SEMA6C: variants seen among roughly 807,000 people sequenced by gnomAD.
SEMA6C encodes the protein semaphorin 6C, also known as semaphorin-6C.
In SEMA6C, 37 loss-of-function variants were observed where a neutral mutation model predicts 72.9. The observed-to-expected ratio is 0.51, with a 90% CI of 0.39 to 0.67. The LOEUF (loss-of-function observed/expected upper bound fraction) is 0.67, where lower values mean the gene tolerates loss of function less well. Ranked by LOEUF, SEMA6C falls within the 30% of genes least tolerant of loss-of-function variation. The pLI, the probability that SEMA6C is intolerant of heterozygous loss-of-function variation, is 0.00. For missense variants in SEMA6C, 1,189 were observed against 1,263.6 expected, an observed-to-expected ratio of 0.94 and a Z score of 0.89; for synonymous variants, 578 against 554.1, an observed-to-expected ratio of 1.04 and a Z score of -0.61.
chr1:151,138,572 A>G (rs1006450752), intron 7 of SEMA6C, 58 bp downstream of exon 7: 6 of 1,539,146 alleles, frequency 3.9e-6, no homozygotes, highest in African/African-American at 1.4e-5. Flanking sequence ...CATCAAACCC[A>G]TTGCCCATCT....
In SEMA6C at chr1:151,132,459, C is replaced by G; in HGVS notation, c.*25G>C. 1.3e-6 allele frequency: 2 copies of G among 1,540,180 alleles called. No homozygotes were observed. The highest frequency in any genetic ancestry group is 2.8e-5 in the African/African-American group (2 of 72,670). On this transcript the variant is annotated 3_prime_UTR_variant, in exon 19 of 19. Coordinates refer to ENST00000368914, the MANE Select transcript of SEMA6C (RefSeq NM_030913.6). ...GCCGAGAGGACTCGGGCGCTCCCCACGCTGGAGGCCGTGGGCCGCTCCCTT... is the reference window on the plus strand; with the variant it reads ...GCCGAGAGGACTCGGGCGCTCCCCAGGCTGGAGGCCGTGGGCCGCTCCCTT...
chr1:151,135,637 G>A lies in SEMA6C; in HGVS notation c.1387C>T (p.Pro463Ser). 6.2e-7 allele frequency: 1 copy of A among 1,614,198 alleles called. No homozygotes were observed. The highest frequency in any genetic ancestry group is 8.5e-7 in the Non-Finnish European group (1 of 1,180,028). ...VLTPGGRSGG[P>S]EPILLEEIDA... is the part of the protein sequence containing the mutation. ...ATCTCTTCCAGGAGGATGGGCTCAG[G>A]TCCCCCGGATCGCCCACCTGGGGTC... Residue 463 changes from proline to serine, a missense_variant, in exon 14 of 19, where the codon CCT (proline) becomes TCT (serine). Pro to Ser is a moderately conservative substitution (Grantham distance 74). Around this residue, in one of 2 missense-constraint regions of SEMA6C, gnomAD observed 721 missense variants for 686.2 expected, o/e 1.05. Transcript: ENST00000368914.
chr1:151,138,582 T>C, intron 7 of SEMA6C, 48 bp downstream of exon 7: 4 of 1,577,908 alleles, frequency 2.5e-6, no homozygotes, highest in Non-Finnish European at 3.5e-6. Flanking sequence ...ATTGCCCATC[T>C]TGGGGTCCCC....
In SEMA6C at chr1:151,138,135, G is replaced by T. The variant is rs780782607; in HGVS notation, c.548-30C>A. The T allele has an allele frequency of 1.3e-5, 21 of 1,611,264 alleles. No homozygotes were observed. In the East Asian group the frequency reaches 4.2e-4, roughly 32 times the overall value. ...AGGGATGGGTGGAGTGGGGTCAGGGGAGGGCTCAGGGATCTGTATCCTGCC... is the reference window on the plus strand; with the variant it reads ...AGGGATGGGTGGAGTGGGGTCAGGGTAGGGCTCAGGGATCTGTATCCTGCC... On this transcript the variant is annotated intron_variant, in intron 8 of 18. Coordinates refer to ENST00000368914, the MANE Select transcript of SEMA6C (RefSeq NM_030913.6).
chr1:151,143,204 A>C (rs1371527415), intron 2 of SEMA6C, among the ~76,000 whole-genome samples: 1 of 152,186 alleles, frequency 6.6e-6, no homozygotes, highest in Non-Finnish European at 1.5e-5. Context: ...GAGTTGAGGA[A>C]GACACAGTTG....
chr1:151,136,812 G>A (rs747740965), intron 11 of SEMA6C, 45 bp downstream of exon 11: 4 of 1,545,500 alleles, frequency 2.6e-6, no homozygotes, highest in African/African-American at 1.4e-5. Context: ...GGAGGCTGGT[G>A]AGGCAGGGGA....
At position 151,146,148 on chromosome 1, in the gene SEMA6C, A is replaced by T. The variant is rs1033353651; in HGVS notation, c.-105+285T>A. 4 of 152,268 alleles carry T rather than the reference A, an allele frequency of 2.6e-5. No homozygotes were observed. The South Asian group carries it at 6.2e-4, about 24-fold the overall frequency. The allele number at this position is 152,268 out of a possible 1,614,324, so 9.4% of individuals were successfully genotyped here. A position where few individuals can be genotyped will look rare whatever the true frequency, so the allele number is the denominator to read the frequency against. On this transcript the variant is annotated intron_variant, in intron 1 of 18. Coordinates refer to ENST00000368914, the MANE Select transcript of SEMA6C (RefSeq NM_030913.6). This position sits in a 1 kb window ranked among gnomAD's most constrained non-coding sequence, Gnocchi z 4.6. ...CACGCTCTCTACGGAGCGCGCCTCA[A>T]ATAATCCCTTTTCGCGCTTCCCAGT...
rs1681665100 is a variant in SEMA6C, at chr1:151,132,804, C to CG, written c.2472dup (p.Glu825ArgfsTer203). On this transcript the variant is annotated frameshift_variant, in exon 19 of 19. Coordinates refer to ENST00000368914, the MANE Select transcript of SEMA6C (RefSeq NM_030913.6). LOFTEE classifies it low-confidence loss of function (END_TRUNC). ...GCGGGGGCAGAGGCGCACCTGCCCT[C>CG]GGGGGGCACGTCCAGCCTCAGCGGC... 1.5e-6 allele frequency: 2 copies of CG among 1,333,380 alleles called. No individual in the cohort carries two copies. The highest frequency in any genetic ancestry group is 1.9e-6 in the Non-Finnish European group (2 of 1,040,820). 82.6% of individuals were successfully genotyped at this position (1,333,380 alleles called of 1,614,324 possible). A position where few individuals can be genotyped will look rare whatever the true frequency, so the allele number is the denominator to read the frequency against.
rs1681679546 is a variant in SEMA6C, at chr1:151,132,902, G to C, written c.2375C>G (p.Ser792Trp). ...KGAEPPAPLT[S>W]RALPPEPAPA... ...GGCGGGCTCCGGCGGGAGCGCCCGC[G>C]AGGTTAAAGGGGCGGGGGGCTCGGC... The change falls in exon 19 of 19, where the codon TCG becomes TGG. Residue 792 changes from serine (S) to tryptophan (W), a missense_variant. Physicochemically the swap from Ser to Trp is radical, Grantham distance 177. Coordinates refer to ENST00000368914, the MANE Select transcript of SEMA6C (RefSeq NM_030913.6). 2.2e-6 allele frequency: 3 copies of C among 1,347,154 alleles called. No homozygotes were observed. Among genetic ancestry groups the C allele is most frequent in the Non-Finnish European group, 2.9e-6 (3 of 1,051,290 alleles). 83.5% of individuals were successfully genotyped at this position (1,347,154 alleles called of 1,614,324 possible).
chr1:151,134,089 C>G, intron 18 of SEMA6C: 7 of 1,409,090 alleles, frequency 5.0e-6, no homozygotes, highest in Non-Finnish European at 6.6e-6. Context: ...GCCAGTGAGG[C>G]TCTTGATCTC....
At chr1:151,141,833 C>T (rs1323934771) in intron 3 of SEMA6C, among the ~76,000 whole-genome samples, 2 of 150,804 alleles carry the variant, frequency 1.3e-5, no homozygotes, top group Non-Finnish European at 2.9e-5. Context: ...CAGGCGCCAT[C>T]ACAGAGCACT....
chr1:151,135,295 C>T lies in SEMA6C; in HGVS notation c.1448G>A (p.Arg483Gln), dbSNP rs776025048. ...AYSPARCSGK[R>Q]TAQTARRIIG... The stretch of plus-strand genomic sequence containing the variant: ...GATCCGTCGTGCTGTTTGGGCTGTC[C>T]GCTTCCCACTGCACCTAGGGTGAGG... Residue 483 changes from arginine to glutamine, a missense_variant, in exon 15 of 19, where the codon CGG becomes CAG. Transcript: ENST00000368914. The T allele has an allele frequency of 5.1e-5, 82 of 1,613,666 alleles. No homozygotes were observed. The South Asian group carries it at 5.4e-4, about 11-fold the overall frequency.
In SEMA6C at chr1:151,146,017, C is replaced by G. The variant is rs906029921; in HGVS notation, c.-105+416G>C. ...AGCACCCGTGACACAAAGTCCGGAA[C>G]GATGCGTCCCTCTTCCCATCCCTTC... On this transcript the variant is annotated intron_variant, in intron 1 of 18. Coordinates refer to ENST00000368914, the MANE Select transcript of SEMA6C (RefSeq NM_030913.6). This position sits in a 1 kb window ranked among gnomAD's most constrained non-coding sequence, Gnocchi z 4.6. The G allele has an allele frequency of 6.6e-6, 1 of 152,132 alleles. No individual in the cohort carries two copies. The highest frequency in any genetic ancestry group is 1.5e-5 in the Non-Finnish European group (1 of 68,034). 9.4% of individuals were successfully genotyped at this position (152,132 alleles called of 1,614,324 possible).
intron 2 of SEMA6C, among the ~76,000 whole-genome samples, chr1:151,143,596 T>C (rs1682734229): frequency 6.6e-6 from 1 of 152,176 alleles, no homozygotes; most frequent in South Asian, 2.1e-4. Context: ...AATTAAAATA[T>C]AAATTATTCA....
chr1:151,135,798 C>A (rs1044496506), intron 13 of SEMA6C, 34 bp from the exon 14 acceptor site: 1 of 1,607,328 alleles, frequency 6.2e-7, no homozygotes. Flanking sequence ...GGGAACCTGT[C>A]TAGTGGAAAC....
intron 18 of SEMA6C, chr1:151,134,100 T>G: frequency 4.2e-4 from 553 of 1,318,076 alleles, no homozygotes; most frequent in Non-Finnish European, 5.2e-4. Flanking sequence ...TCTTGATCTC[T>G]ACCCCTGACA....
Position 151,138,304 on chromosome 1 carries a change from C to A in SEMA6C, c.547+12G>T. ...AGCCACATGCTTTCTTCTCACATGCCCAGTTGCACACCTGCAAAGATGGCC... is the reference window on the plus strand; with the variant it reads ...AGCCACATGCTTTCTTCTCACATGCACAGTTGCACACCTGCAAAGATGGCC... On this transcript the variant is annotated intron_variant, in intron 8 of 18. Coordinates refer to ENST00000368914, the MANE Select transcript of SEMA6C (RefSeq NM_030913.6). 6.2e-7 allele frequency: 1 copy of A among 1,613,188 alleles called. No individual in the cohort carries two copies. Among genetic ancestry groups the A allele is most frequent in the South Asian group, 1.1e-5 (1 of 90,884 alleles).
In SEMA6C at chr1:151,140,080, TGG is replaced by T. The variant is rs1339366096; in HGVS notation, c.127_128del (p.Pro43IlefsTer10). The T allele has an allele frequency of 6.2e-7, 1 of 1,613,686 alleles. No homozygotes were observed. The highest frequency in any genetic ancestry group is 8.5e-7 in the Non-Finnish European group (1 of 1,179,840). ...CCTCCAGGCCCCGAAACCAGGATAA[TGG>T]GGAAGTACCTTGAGGACACAGAGAG... Reference protein sequence around the residue: ...LLISDLQGTSPLSWFRGLEDD... With the variant: ...LLISDLQGTSXLSWFRGLEDD... On this transcript the variant is annotated frameshift_variant, in exon 4 of 19. Coordinates refer to ENST00000368914, the MANE Select transcript of SEMA6C (RefSeq NM_030913.6). LOFTEE classifies it high-confidence loss of function.
rs1402664429 is a variant in SEMA6C at position 151,132,289 on chromosome 1, C to T, written c.*195G>A. 1.3e-6 allele frequency: 2 copies of T among 1,534,282 alleles called. No individual in the cohort carries two copies. The highest frequency in any genetic ancestry group is 1.7e-6 in the Non-Finnish European group (2 of 1,145,226). On this transcript the variant is annotated 3_prime_UTR_variant, in exon 19 of 19. Coordinates refer to ENST00000368914, the MANE Select transcript of SEMA6C (RefSeq NM_030913.6). ...ACTGAGGAGACGGGCTTCTCACCTC[C>T]CACTCTTCTGTCGAGGACAGGGGGA...
Sources: gnomAD v4.1 joint callset for allele counts (sites outside exome capture counted in the v4.1 genomes callset) on GRCh38, gnomAD v4.1.1 for gene constraint, gnomAD v4.1.1 regional missense constraint, Gnocchi (gnomAD v3.1) non-coding constraint, MANE v1.5 for transcripts, NCBI Gene and HGNC (gene_info 2026-07-23, HGNC 2026-07-21) for gene names.